The following PCNX1 variants were observed in gnomAD, a reference collection of about 807,000 sequenced individuals.
PCNX1 encodes the protein pecanex 1.
In PCNX1, 78 loss-of-function variants were observed where a neutral mutation model predicts 242.2. The observed-to-expected ratio is 0.32, with a 90% CI of 0.27 to 0.39. The LOEUF is 0.39. Among genes scored for constraint, PCNX1 ranks in the 10% least tolerant of loss-of-function variants. PCNX1 has a pLI of 1.00. For synonymous variants in PCNX1, 1,024 were observed against 1,032.9 expected, an observed-to-expected ratio of 0.99 and a Z score of 0.17; for missense variants, 2,581 against 2,856.5, an observed-to-expected ratio of 0.90 and a Z score of 2.20.
rs531242810 is a variant in PCNX1, at chr14:70,964,713, G to T, written c.468+2382G>T. On this transcript the variant is annotated intron_variant, in intron 3 of 35. Transcript: ENST00000304743. ...CTTGGCATCGTGTCTGTTGGAACTT[G>T]CCTGTTTGTTTTAGGGAGGGAGTCC... Among the ~76,000 whole-genome samples, 57 of 152,310 alleles carry T rather than the reference G, an allele frequency of 3.7e-4. No homozygotes were observed. The East Asian group carries it at 0.011, about 29-fold the overall frequency.
intron 2 of PCNX1, among the ~76,000 whole-genome samples, chr14:70,952,214 T>TTA (rs1338589827): frequency 6.6e-6 from 1 of 152,190 alleles, no homozygotes; most frequent in Non-Finnish European, 1.5e-5. Context: ...TTTCTGGATA[T>TTA]TATATATATT....
rs144321791 is a variant in PCNX1 at position 71,084,996 on chromosome 14, G to A, written c.5338-3334G>A. ...TATAGGCACGCGAGGGAATCTCTTG[G>A]TCTGTGGGTTGTGAAGACCGTGGGA... On this transcript the variant is annotated intron_variant, in intron 28 of 35. Coordinates refer to ENST00000304743, the MANE Select transcript of PCNX1 (RefSeq NM_014982.3). 3.2e-3 allele frequency among the ~76,000 whole-genome samples: 482 copies of A among 152,318 alleles called. 3 individuals are homozygous for A. Among genetic ancestry groups the A allele is most frequent in the African/African-American group, 0.011 (460 of 41,576 alleles).
At chr14:70,925,568 CTTTTTT>C (rs71305848) in intron 1 of PCNX1, among the ~76,000 whole-genome samples, 3 of 106,954 alleles carry the variant, frequency 2.8e-5, no homozygotes, top group Admixed American at 1.0e-4. Context: ...CTTACCTCAT[CTTTTTT>C]TTTTTTTTTT....
Position 71,112,048 on chromosome 14 carries a change from G to C in PCNX1, c.*2113G>C, listed in dbSNP as rs1251558813. The C allele has an allele frequency of 6.6e-6, 1 of 152,306 alleles. No individual in the cohort carries two copies. The highest frequency in any genetic ancestry group is 1.9e-4 in the East Asian group (1 of 5,200). 9.4% of individuals were successfully genotyped at this position (152,306 alleles called of 1,614,324 possible). ...CGTATATTTTTAAAATCTTCTGAAA[G>C]GAACTATGTTCCCTGCTGCTTCTTC... On this transcript the variant is annotated 3_prime_UTR_variant, in exon 36 of 36. Transcript: ENST00000304743.
chr14:71,069,569 C>T (rs897749911), intron 26 of PCNX1, among the ~76,000 whole-genome samples: 3 of 152,116 alleles, frequency 2.0e-5, no homozygotes, highest in Non-Finnish European at 2.9e-5. Context: ...AAGTAAGTAT[C>T]GCAGTAAAGC....
intron 8 of PCNX1, among the ~76,000 whole-genome samples, chr14:71,004,964 C>G (rs910851548): frequency 1.3e-5 from 2 of 151,968 alleles, no homozygotes; most frequent in African/African-American, 4.8e-5. Context: ...CCCCTCTCTG[C>G]CCTATGAGTA....
chr14:70,921,015 G>C (rs893407340), intron 1 of PCNX1, among the ~76,000 whole-genome samples: 1 of 152,102 alleles, frequency 6.6e-6, no homozygotes, highest in Non-Finnish European at 1.5e-5. Flanking sequence ...TATGTTCTTG[G>C]ATGTAGTGTT....
intron 8 of PCNX1, among the ~76,000 whole-genome samples, chr14:70,997,183 C>A (rs1298145340): frequency 6.6e-6 from 1 of 152,060 alleles, no homozygotes; most frequent in African/African-American, 2.4e-5. Context: ...GTAAGCAATA[C>A]TTCTTCAGTT....
chr14:70,994,707 A>T (rs114277223), intron 7 of PCNX1, among the ~76,000 whole-genome samples: 1,783 of 151,902 alleles, frequency 0.012, 31 homozygotes, highest in African/African-American at 0.041. Context: ...TCATGTAGAG[A>T]ATAATAATTA....
At chr14:71,053,424 TCTC>T in intron 24 of PCNX1, 1 of 379,120 alleles carries the variant, frequency 2.6e-6, no homozygotes, top group Non-Finnish European at 5.1e-6. Context: ...TTCAAGCAAT[TCTC>T]CTGCCTCAGC....
In PCNX1 at chr14:71,104,195, C is replaced by T. The variant is rs537544267; in HGVS notation, c.6095+526C>T. ...TATTCACATGATTTTTTTTCTCTGT[C>T]TTTTGTCTAGTAAATTATGTCTGGT... On this transcript the variant is annotated intron_variant, in intron 32 of 35. Transcript: ENST00000304743. Among the ~76,000 whole-genome samples the T allele has an allele frequency of 3.3e-5, 5 of 152,214 alleles. No individual in the cohort carries two copies. The South Asian group carries it at 8.3e-4, about 25-fold the overall frequency.
chr14:71,075,107 AC>A (rs1430362289), intron 27 of PCNX1, among the ~76,000 whole-genome samples: 1 of 147,660 alleles, frequency 6.8e-6, no homozygotes, highest in African/African-American at 2.5e-5. Context: ...CAATACACCC[AC>A]GTTAACCTCC....
At chr14:71,071,139 G>C (rs1381049363) in intron 26 of PCNX1, among the ~76,000 whole-genome samples, 1 of 152,144 alleles carries the variant, frequency 6.6e-6, no homozygotes, top group East Asian at 1.9e-4. Context: ...AGCCTTCAAA[G>C]AATTGTAGAG....
chr14:71,054,684 G>A (rs2061132811), intron 24 of PCNX1, among the ~76,000 whole-genome samples: 1 of 152,142 alleles, frequency 6.6e-6, no homozygotes, highest in Admixed American at 6.6e-5. Context: ...CGGAGTTCAA[G>A]CAGTTGCACA....
At chr14:70,957,700 G>A (rs1035201593) in intron 2 of PCNX1, among the ~76,000 whole-genome samples, 4 of 152,124 alleles carry the variant, frequency 2.6e-5, no homozygotes, top group Non-Finnish European at 4.4e-5. Flanking sequence ...TTTGGTGGTG[G>A]TTTCATAATT....
At chr14:71,054,858 A>G (rs1411558495) in intron 24 of PCNX1, among the ~76,000 whole-genome samples, 1 of 152,124 alleles carries the variant, frequency 6.6e-6, no homozygotes, top group Non-Finnish European at 1.5e-5. Context: ...TTTTTTTGTG[A>G]AACTTGGACT....
At chr14:71,107,665 G>A (rs549274467) in intron 33 of PCNX1, among the ~76,000 whole-genome samples, 8 of 152,246 alleles carry the variant, frequency 5.3e-5, no homozygotes, top group South Asian at 2.1e-4. Context: ...TGATCATTCC[G>A]ATTTAGTAGT....
rs371956069 is a variant in PCNX1, at chr14:71,015,416, A to G, written c.2996+2214A>G. ...AAAGTAAAATTTATGATAATAGCAT[A>G]AAGGCAGAGGGGACAAATAAAAGCA... is the stretch of plus-strand genomic sequence containing the variant. On this transcript the variant is annotated intron_variant, in intron 11 of 35. Coordinates refer to ENST00000304743, the MANE Select transcript of PCNX1 (RefSeq NM_014982.3). 3.3e-5 allele frequency among the ~76,000 whole-genome samples: 5 copies of G among 152,242 alleles called. No individual in the cohort carries two copies. In the East Asian group the frequency reaches 5.8e-4, roughly 18 times the overall value.
chr14:70,976,900 C>G (rs775638776), intron 5 of PCNX1, 42 bp from the exon 6 acceptor site: 7 of 1,544,134 alleles, frequency 4.5e-6, no homozygotes, highest in Non-Finnish European at 6.2e-6. Context: ...AAAAGCAGAT[C>G]ATACATTTAT....
Sources: allele counts gnomAD v4.1 joint callset (sites outside exome capture counted in the v4.1 genomes callset), GRCh38; gene constraint gnomAD v4.1.1; transcripts MANE v1.5; gene names NCBI Gene and HGNC (gene_info 2026-07-23, HGNC 2026-07-21).